The following NFYC variants were observed in gnomAD, a reference collection of about 807,000 sequenced individuals.
NFYC encodes the protein CAAT box DNA-binding protein subunit C.
In NFYC, 25 loss-of-function variants were observed where a neutral mutation model predicts 53.1. The observed-to-expected ratio is 0.47, with a 90% CI of 0.34 to 0.66. The LOEUF (loss-of-function observed/expected upper bound fraction) is 0.66, where lower values mean the gene tolerates loss of function less well. NFYC is among the 30% of genes least tolerant of loss of function. The pLI is 0.01. For missense variants in NFYC, 260 were observed against 422.7 expected (o/e 0.62, Z 3.38); for synonymous variants, 145 against 152.6 (o/e 0.95, Z 0.37).
chr1:40,738,813 C>G (rs371614038), intron 1 of NFYC, 23 bp from the exon 2 acceptor site: 17 of 1,540,452 alleles, frequency 1.1e-5, no homozygotes, highest in Non-Finnish European at 1.5e-5. Context: ...TCTAATGTGT[C>G]TTATGTATGT....
intron 1 of NFYC, chr1:40,709,256 G>C (rs980734376): frequency 6.6e-6 from 1 of 152,322 alleles, no homozygotes; most frequent in Non-Finnish European, 1.5e-5. Flanking sequence ...GTTCTTAGCC[G>C]ATAAAGCAGT....
At chr1:40,720,679 C>G (rs1354374400) in intron 1 of NFYC, among the ~76,000 whole-genome samples, 1 of 152,046 alleles carries the variant, frequency 6.6e-6, no homozygotes, top group Non-Finnish European at 1.5e-5. Flanking sequence ...CCAGCCTGGG[C>G]AAGATAGCAA....
intron 1 of NFYC, chr1:40,712,284 A>C (rs1215746885): frequency 1.3e-5 from 2 of 152,206 alleles, no homozygotes; most frequent in Admixed American, 1.3e-4. Flanking sequence ...TGAGACCACC[A>C]GTCCTTTACT....
intron 5 of NFYC, among the ~76,000 whole-genome samples, chr1:40,755,782 C>G (rs1007152473): frequency 2.6e-5 from 4 of 152,096 alleles, no homozygotes; most frequent in South Asian, 2.1e-4. Flanking sequence ...CTGTCTAGTT[C>G]ATAAACAGTT....
At chr1:40,749,804 G>T in intron 4 of NFYC, 118 bp downstream of exon 4, 2 of 799,118 alleles carry the variant, frequency 2.5e-6, no homozygotes, top group South Asian at 3.2e-5. Context: ...TCTCCTTTAG[G>T]ACCAAAGATT....
chr1:40,706,986 A>G (rs1416795697), intron 1 of NFYC, among the ~76,000 whole-genome samples: 1 of 152,156 alleles, frequency 6.6e-6, no homozygotes, highest in East Asian at 1.9e-4. Context: ...CCTGGCCCAC[A>G]TGGTGAAACC....
intron 1 of NFYC, among the ~76,000 whole-genome samples, chr1:40,693,555 A>G (rs965870131): frequency 8.5e-5 from 13 of 152,196 alleles, no homozygotes; most frequent in African/African-American, 3.1e-4. Context: ...GATAAGTAGC[A>G]GAGGAAGAGA....
chr1:40,719,294 A>G (rs986423795), intron 1 of NFYC, among the ~76,000 whole-genome samples: 4 of 152,274 alleles, frequency 2.6e-5, no homozygotes, highest in African/African-American at 9.6e-5. Context: ...TAATTAAAAT[A>G]ACATTATCAC....
At chr1:40,700,074 T>TA (rs879427880) in intron 1 of NFYC, among the ~76,000 whole-genome samples, 18 of 152,100 alleles carry the variant, frequency 1.2e-4, no homozygotes, top group Non-Finnish European at 1.0e-4. Flanking sequence ...AGTCTATGAA[T>TA]AAAAAAATGA....
chr1:40,745,439 G>A (rs753125984), intron 2 of NFYC, among the ~76,000 whole-genome samples: 50 of 152,160 alleles, frequency 3.3e-4, no homozygotes, highest in Non-Finnish European at 6.6e-4. Context: ...ACACAAGAAG[G>A]AAGACCAGTG....
chr1:40,733,052 A>C (rs1388953975), intron 1 of NFYC, among the ~76,000 whole-genome samples: 1 of 116,096 alleles, frequency 8.6e-6, no homozygotes, highest in Non-Finnish European at 1.7e-5. Flanking sequence ...CATACCCAGC[A>C]TCAGTCTTGC....
Position 40,770,833 on chromosome 1 carries a change from C to CT in NFYC, c.*6dup, listed in dbSNP as rs779575898. On this transcript the variant is annotated 3_prime_UTR_variant, in exon 10 of 10. Transcript: ENST00000447388. This position sits in a 1 kb window ranked among gnomAD's most constrained non-coding sequence, Gnocchi z 5.3. ...CCCCAGGTGACCGGCGACTGAGGGC[C>CT]TGAGCTGGCAAGGCCAAGGACACCC... 5.4e-5 allele frequency: 86 copies of CT among 1,607,110 alleles called. No individual in the cohort carries two copies. Among genetic ancestry groups the CT allele is most frequent in the Admixed American group, 1.8e-4 (11 of 60,002 alleles).
rs546661357 is a variant in NFYC, at chr1:40,691,775, C to T, written c.-101C>T. ...GCTCCGTTCTCCGTGACGCACACTT[C>T]CCCCTCCCCTCCGCCGCGCCTGGGC... On this transcript the variant is annotated 5_prime_UTR_variant, in exon 1 of 10. Transcript: ENST00000447388. The T allele has an allele frequency of 1.4e-3, 639 of 453,994 alleles. 1 individual carries two copies. The highest frequency in any genetic ancestry group is 2.3e-3 in the Non-Finnish European group (512 of 225,806). The allele number at this position is 453,994 out of a possible 1,614,324, so 28.1% of individuals were successfully genotyped here. A position where few individuals can be genotyped will look rare whatever the true frequency, so the allele number is the denominator to read the frequency against.
At chr1:40,759,555 G>GTA (rs935014302) in intron 6 of NFYC, among the ~76,000 whole-genome samples, 4 of 55,866 alleles carry the variant, frequency 7.2e-5, no homozygotes, top group African/African-American at 1.9e-4. Flanking sequence ...ACAAAAAAAA[G>GTA]TATATGTGTG....
rs1409367445 is a variant in NFYC, at chr1:40,771,448, T to C, written c.*620T>C. 1 of 470,806 alleles carries C rather than the reference T, an allele frequency of 2.1e-6. No individual in the cohort carries two copies. The highest frequency in any genetic ancestry group is 1.6e-5 in the South Asian group (1 of 64,454). The allele number at this position is 470,806 out of a possible 1,614,324, so 29.2% of individuals were successfully genotyped here. On this transcript the variant is annotated 3_prime_UTR_variant, in exon 10 of 10. Coordinates refer to ENST00000447388, the MANE Select transcript of NFYC (RefSeq NM_014223.5). ...TCCCTGTGGAGAGTGGGTGGATTCATTGCCACACTCTTTTCTCCCAGGGAC... is the reference window on the plus strand; with the variant it reads ...TCCCTGTGGAGAGTGGGTGGATTCACTGCCACACTCTTTTCTCCCAGGGAC...
intron 1 of NFYC, among the ~76,000 whole-genome samples, chr1:40,705,002 A>T (rs976912620): frequency 6.6e-6 from 1 of 152,220 alleles, no homozygotes; most frequent in African/African-American, 2.4e-5. Flanking sequence ...GTTGAATTGG[A>T]TGACATTTAA....
At chr1:40,708,842 G>A (rs1643841492) in intron 1 of NFYC, among the ~76,000 whole-genome samples, 1 of 152,140 alleles carries the variant, frequency 6.6e-6, no homozygotes, top group Admixed American at 6.5e-5. Context: ...AACTGAAGAT[G>A]GTCACAACTT....
At chr1:40,735,159 G>A (rs1313639498) in intron 1 of NFYC, 2 of 103,304 alleles carry the variant, frequency 1.9e-5, no homozygotes, top group Non-Finnish European at 4.7e-5. Flanking sequence ...ATGAAGGGGT[G>A]GGCCTGAGTG....
At chr1:40,707,607 C>T (rs1162960302) in intron 1 of NFYC, among the ~76,000 whole-genome samples, 1 of 150,678 alleles carries the variant, frequency 6.6e-6, no homozygotes, top group Non-Finnish European at 1.5e-5. Context: ...AGTTCGAGAC[C>T]AGCCTGGGCA....
Sources: gnomAD v4.1 joint callset for allele counts (sites outside exome capture counted in the v4.1 genomes callset) on GRCh38, gnomAD v4.1.1 for gene constraint, Gnocchi (gnomAD v3.1) non-coding constraint, MANE v1.5 for transcripts, NCBI Gene and HGNC (gene_info 2026-07-23, HGNC 2026-07-21) for gene names.